PREX2: variants seen among roughly 807,000 people sequenced by gnomAD.
PREX2 encodes phosphatidylinositol-3,4,5-trisphosphate dependent Rac exchange factor 2, also known as phosphatidylinositol 3,4,5-trisphosphate-dependent Rac exchanger 2 protein.
Under a neutral mutation model 203.2 loss-of-function variants are expected in PREX2, and 107 were observed. The ratio of observed to expected loss-of-function variants is 0.53; its 90% CI spans 0.45 to 0.62. The LOEUF (loss-of-function observed/expected upper bound fraction) is 0.62, where lower values mean the gene tolerates loss of function less well. Ranked by LOEUF, PREX2 falls within the 20% of genes least tolerant of loss-of-function variation. The pLI, the probability that PREX2 is intolerant of heterozygous loss-of-function variation, is 0.00. For synonymous variants in PREX2, 672 were observed against 663.6 expected, an observed-to-expected ratio of 1.01 and a Z score of -0.19; for missense variants, 1,777 against 1,955.9, an observed-to-expected ratio of 0.91 and a Z score of 1.72.
At chr8:68,073,612 G>T (rs1388335296) in intron 14 of PREX2, among the ~76,000 whole-genome samples, 1 of 152,038 alleles carries the variant, frequency 6.6e-6, no homozygotes, top group Non-Finnish European at 1.5e-5. Context: ...GAAGTTTTTA[G>T]ATGAAACTAA....
chr8:68,041,643 AG>A (rs1231808616), intron 7 of PREX2, among the ~76,000 whole-genome samples: 14 of 152,112 alleles, frequency 9.2e-5, no homozygotes, highest in African/African-American at 3.4e-4. Context: ...TGTGTTTGAT[AG>A]CAAGATTGAG....
chr8:68,104,530 C>T (rs1426428410), intron 23 of PREX2, among the ~76,000 whole-genome samples: 1 of 152,182 alleles, frequency 6.6e-6, no homozygotes, highest in African/African-American at 2.4e-5. Flanking sequence ...GCTTAAATGC[C>T]AGCTTCAGTG....
chr8:68,025,586 AT>A (rs66813805), intron 4 of PREX2, among the ~76,000 whole-genome samples: 24,184 of 151,888 alleles, frequency 0.16, 2,374 homozygotes, highest in African/African-American at 0.26. Flanking sequence ...AGAAATATTT[AT>A]CTGACCCTTT....
intron 6 of PREX2, among the ~76,000 whole-genome samples, chr8:68,032,523 C>A (rs1259941955): frequency 1.3e-5 from 2 of 152,076 alleles, no homozygotes; most frequent in Non-Finnish European, 2.9e-5. Flanking sequence ...GTGGGTTTGG[C>A]AATTTGTGAT....
At position 68,112,433 on chromosome 8, in the gene PREX2, A is replaced by G. The variant is rs191456233; in HGVS notation, c.3146+2810A>G. On this transcript the variant is annotated intron_variant, in intron 25 of 39. Transcript: ENST00000288368. Reference sequence around the variant, plus strand: ...TTTTGCAGGTGCCAGACGCCTCAGGATTGAGTGGTGAACAAACCACACTTT... The same window carrying G: ...TTTTGCAGGTGCCAGACGCCTCAGGGTTGAGTGGTGAACAAACCACACTTT... Among the ~76,000 whole-genome samples the G allele has an allele frequency of 1.2e-3, 184 of 152,174 alleles. 1 individual carries two copies. Among genetic ancestry groups the G allele is most frequent in the Admixed American group, 3.8e-3 (58 of 15,294 alleles).
chr8:67,967,918 C>CCTGG (rs1805819980), intron 1 of PREX2, among the ~76,000 whole-genome samples: 2 of 152,102 alleles, frequency 1.3e-5, no homozygotes, highest in Non-Finnish European at 1.5e-5. Flanking sequence ...ACATCACACA[C>CCTGG]CTGAGCCTGT....
At position 68,093,588 on chromosome 8, in the gene PREX2, T is replaced by TC. The variant is rs1346457872; in HGVS notation, c.2251-11dup. ...AGCACTAATACCTCTGAGGTTTCTTTCCCCCCTCATTTCCAGCAAGATTCC... is the reference window on the plus strand; with the variant it reads ...AGCACTAATACCTCTGAGGTTTCTTTCCCCCCCTCATTTCCAGCAAGATTCC... On this transcript the variant is annotated splice_polypyrimidine_tract_variant and intron_variant, in intron 20 of 39. Transcript: ENST00000288368. The TC allele has an allele frequency of 3.0e-6, 4 of 1,313,444 alleles. No homozygotes were observed. The East Asian group carries it at 7.0e-5, about 23-fold the overall frequency. 81.4% of individuals were successfully genotyped at this position (1,313,444 alleles called of 1,614,324 possible). A position where few individuals can be genotyped will look rare whatever the true frequency, so the allele number is the denominator to read the frequency against.
chr8:67,962,702 G>T (rs1306985411), intron 1 of PREX2, among the ~76,000 whole-genome samples: 1 of 151,690 alleles, frequency 6.6e-6, no homozygotes, highest in Non-Finnish European at 1.5e-5. Flanking sequence ...TGCCTCCTGG[G>T]TTCAAGTGAT....
At chr8:68,028,767 G>GT (rs766338097) in intron 5 of PREX2, among the ~76,000 whole-genome samples, 1 of 152,018 alleles carries the variant, frequency 6.6e-6, no homozygotes, top group African/African-American at 2.4e-5. Flanking sequence ...TGGAATCCCA[G>GT]GGGATTTAAG....
rs747196683 is a variant in PREX2 at position 68,007,027 on chromosome 8, T to C, written c.142-10819T>C. Among the ~76,000 whole-genome samples, 67 of 152,332 alleles carry C rather than the reference T, an allele frequency of 4.4e-4. No individual in the cohort carries two copies. In the Middle Eastern group the frequency reaches 0.01, roughly 23 times the overall value. ...TTGTCCTGTGGAAGGAAAGTTTCCT[T>C]GTTTATTTGCAGCTAATTTGCCTCA... On this transcript the variant is annotated intron_variant, in intron 1 of 39. Coordinates refer to ENST00000288368, the MANE Select transcript of PREX2 (RefSeq NM_024870.4).
In PREX2 at chr8:68,235,502, A is replaced by G. The variant is rs1813249492; in HGVS notation, c.*4124A>G. Reference sequence around the variant, plus strand: ...GAATTGTCGGTTGTCCTGCTTAAGTACTAGGGCCAAGCTTTGAAATGACTT... The same window carrying G: ...GAATTGTCGGTTGTCCTGCTTAAGTGCTAGGGCCAAGCTTTGAAATGACTT... On this transcript the variant is annotated 3_prime_UTR_variant, in exon 40 of 40. Transcript: ENST00000288368. 1.3e-5 allele frequency: 2 copies of G among 152,188 alleles called. No homozygotes were observed. Among genetic ancestry groups the G allele is most frequent in the African/African-American group, 2.4e-5 (1 of 41,456 alleles). The allele number at this position is 152,188 out of a possible 1,614,324, so 9.4% of individuals were successfully genotyped here. A position where few individuals can be genotyped will look rare whatever the true frequency, so the allele number is the denominator to read the frequency against.
At chr8:67,996,174 T>C (rs149782769) in intron 1 of PREX2, among the ~76,000 whole-genome samples, 3 of 151,992 alleles carry the variant, frequency 2.0e-5, no homozygotes, top group Non-Finnish European at 4.4e-5. Flanking sequence ...TATTGGGTAG[T>C]TTTTCTTTTT....
chr8:68,021,169 CT>C (rs1807558003), intron 3 of PREX2, among the ~76,000 whole-genome samples: 1 of 152,132 alleles, frequency 6.6e-6, no homozygotes, highest in Admixed American at 6.6e-5. Context: ...TCTATGAAGG[CT>C]GTTTATTTTG....
intron 23 of PREX2, chr8:68,100,218 A>G: frequency 2.2e-6 from 1 of 459,438 alleles, no homozygotes; most frequent in Non-Finnish European, 4.4e-6. Context: ...GAAAACTCTC[A>G]ATCAGAAAGT....
At chr8:68,225,363 A>G (rs922147445) in intron 39 of PREX2, among the ~76,000 whole-genome samples, 1 of 152,230 alleles carries the variant, frequency 6.6e-6, no homozygotes, top group African/African-American at 2.4e-5. Flanking sequence ...AACATAAATA[A>G]TAGCCATCAG....
chr8:68,058,439 CT>C (rs5892127), intron 10 of PREX2, among the ~76,000 whole-genome samples: 43,223 of 146,868 alleles, frequency 0.29, 8,510 homozygotes, highest in African/African-American at 0.58. Flanking sequence ...CATTGACATT[CT>C]TTTTTTTTTT....
chr8:68,216,291 T>G (rs952790432), intron 37 of PREX2, among the ~76,000 whole-genome samples: 1 of 152,218 alleles, frequency 6.6e-6, no homozygotes, highest in Non-Finnish European at 1.5e-5. Context: ...GAGTTAGATT[T>G]TTCTCCCATA....
intron 37 of PREX2, among the ~76,000 whole-genome samples, chr8:68,214,660 A>T (rs1401963775): frequency 6.6e-6 from 1 of 152,200 alleles, no homozygotes; most frequent in East Asian, 1.9e-4. Flanking sequence ...TCCACTTGAC[A>T]TTCAAATTGA....
intron 35 of PREX2, among the ~76,000 whole-genome samples, chr8:68,164,898 T>TTTA (rs1811729747): frequency 6.6e-6 from 1 of 150,956 alleles, no homozygotes; most frequent in Non-Finnish European, 1.5e-5. Context: ...TTTTTTTTTT[T>TTTA]TTTTTACCAA....
Sources: gnomAD v4.1 joint callset for allele counts (sites outside exome capture counted in the v4.1 genomes callset) on GRCh38, gnomAD v4.1.1 for gene constraint, MANE v1.5 for transcripts, NCBI Gene and HGNC (gene_info 2026-07-23, HGNC 2026-07-21) for gene names.